Variants in STXBP5L observed in about 807,000 individuals in gnomAD.
STXBP5L encodes syntaxin binding protein 5L.
Under a neutral mutation model 144.5 loss-of-function variants are expected in STXBP5L, and 65 were observed. The ratio of observed to expected loss-of-function variants is 0.45; its 90% CI spans 0.37 to 0.55. STXBP5L has a LOEUF of 0.55. STXBP5L is among the 20% of genes least tolerant of loss of function. The pLI, the probability that STXBP5L is intolerant of heterozygous loss-of-function variation, is 0.00. For missense variants in STXBP5L, 1,298 were observed against 1,405.5 expected, an observed-to-expected ratio of 0.92 and a Z score of 1.22; for synonymous variants, 505 against 469.6, an observed-to-expected ratio of 1.08 and a Z score of -0.97.
intron 22 of STXBP5L, among the ~76,000 whole-genome samples, chr3:121,402,690 T>C (rs2046908710): frequency 6.6e-6 from 1 of 152,218 alleles, no homozygotes; most frequent in Non-Finnish European, 1.5e-5. Context: ...CATTTTACCA[T>C]AAATCATCAC....
intron 19 of STXBP5L, among the ~76,000 whole-genome samples, chr3:121,294,890 G>A (rs1210188194): frequency 2.6e-5 from 4 of 152,164 alleles, no homozygotes; most frequent in African/African-American, 9.7e-5. Flanking sequence ...TGATTAGAGT[G>A]TGTCTGGCTC....
chr3:121,111,649 G>C (rs1405771948), intron 5 of STXBP5L, among the ~76,000 whole-genome samples: 1 of 152,146 alleles, frequency 6.6e-6, no homozygotes, highest in Non-Finnish European at 1.5e-5. Flanking sequence ...AGCAGGAATG[G>C]TCCTAAATAA....
At chr3:121,299,056 G>T (rs145276110) in intron 19 of STXBP5L, among the ~76,000 whole-genome samples, 11 of 152,190 alleles carry the variant, frequency 7.2e-5, no homozygotes, top group African/African-American at 2.6e-4. Flanking sequence ...AATTGTATTT[G>T]CTCTCCTAGC....
intron 20 of STXBP5L, among the ~76,000 whole-genome samples, chr3:121,371,968 T>C (rs892588959): frequency 1.3e-5 from 2 of 152,154 alleles, no homozygotes; most frequent in African/African-American, 4.8e-5. Context: ...ATATTTACGC[T>C]GGCAGGGAAG....
At chr3:121,304,343 A>G (rs2043261289) in intron 19 of STXBP5L, among the ~76,000 whole-genome samples, 1 of 152,274 alleles carries the variant, frequency 6.6e-6, no homozygotes, top group Non-Finnish European at 1.5e-5. Flanking sequence ...AATTGGTAAG[A>G]TTATAAAAAA....
intron 5 of STXBP5L, among the ~76,000 whole-genome samples, chr3:121,080,252 T>C (rs2042193959): frequency 6.6e-6 from 1 of 152,172 alleles, no homozygotes. Flanking sequence ...ACAACAGATA[T>C]TGGGTTGGTG....
At chr3:121,065,426 A>G (rs942110011) in intron 5 of STXBP5L, among the ~76,000 whole-genome samples, 39 of 152,304 alleles carry the variant, frequency 2.6e-4, no homozygotes, top group Admixed American at 1.0e-3. Flanking sequence ...TGTTGTTGTT[A>G]CCATATTACA....
intron 10 of STXBP5L, among the ~76,000 whole-genome samples, chr3:121,218,936 G>C (rs1233983543): frequency 6.6e-6 from 1 of 152,056 alleles, no homozygotes. Context: ...GTTTGATGAA[G>C]ACACATAGTG....
At chr3:121,123,867 T>A (rs2044587471) in intron 7 of STXBP5L, among the ~76,000 whole-genome samples, 1 of 151,800 alleles carries the variant, frequency 6.6e-6, no homozygotes, top group African/African-American at 2.4e-5. Context: ...GAAGTTTTTT[T>A]ATTTTAATAT....
At chr3:121,092,328 G>T (rs1360514848) in intron 5 of STXBP5L, among the ~76,000 whole-genome samples, 2 of 152,092 alleles carry the variant, frequency 1.3e-5, no homozygotes, top group Non-Finnish European at 2.9e-5. Context: ...GTAGCTTGAT[G>T]GGGATGGCAT....
intron 9 of STXBP5L, among the ~76,000 whole-genome samples, chr3:121,164,544 A>G (rs748925240): frequency 9.9e-5 from 15 of 152,190 alleles, no homozygotes; most frequent in African/African-American, 3.6e-4. Context: ...TTATAGGTAT[A>G]TACCCAAAGG....
At chr3:121,298,092 C>T (rs1190742722) in intron 19 of STXBP5L, among the ~76,000 whole-genome samples, 1 of 152,138 alleles carries the variant, frequency 6.6e-6, no homozygotes, top group Non-Finnish European at 1.5e-5. Context: ...TTTACATGCC[C>T]ACCAATAGTG....
At chr3:121,043,743 T>A (rs552196945) in intron 4 of STXBP5L, among the ~76,000 whole-genome samples, 29 of 152,000 alleles carry the variant, frequency 1.9e-4, no homozygotes, top group Non-Finnish European at 2.1e-4. Flanking sequence ...GAATACTGAG[T>A]TCCTCACTAG....
At chr3:121,124,144 T>A (rs1219540221) in intron 7 of STXBP5L, among the ~76,000 whole-genome samples, 1 of 151,910 alleles carries the variant, frequency 6.6e-6, no homozygotes, top group Non-Finnish European at 1.5e-5. Flanking sequence ...TTCCAATATT[T>A]GGATTGGTCT....
chr3:121,341,828 G>A (rs1254813961), intron 20 of STXBP5L, among the ~76,000 whole-genome samples: 2 of 151,740 alleles, frequency 1.3e-5, no homozygotes, highest in East Asian at 1.9e-4. Flanking sequence ...TGAACTCGTG[G>A]ACATAGAGAG....
chr3:121,208,832 T>C (rs770401730), intron 10 of STXBP5L, among the ~76,000 whole-genome samples: 7 of 152,128 alleles, frequency 4.6e-5, no homozygotes, highest in African/African-American at 9.7e-5. Context: ...GTTTGTTACA[T>C]AGTTATACAC....
intron 9 of STXBP5L, among the ~76,000 whole-genome samples, chr3:121,174,768 G>T (rs1016165794): frequency 1.3e-5 from 2 of 152,112 alleles, no homozygotes; most frequent in Admixed American, 6.6e-5. Context: ...GGGAAAATCA[G>T]AGTCAATCCA....
chr3:120,951,726 C>A (rs1158697978), intron 2 of STXBP5L, among the ~76,000 whole-genome samples: 10 of 151,974 alleles, frequency 6.6e-5, no homozygotes, highest in Non-Finnish European at 7.4e-5. Flanking sequence ...ACTAGTTCAA[C>A]CATTGTGGAA....
At chr3:121,379,828 C>T (rs192820172) in intron 21 of STXBP5L, among the ~76,000 whole-genome samples, 1 of 151,850 alleles carries the variant, frequency 6.6e-6, no homozygotes, top group East Asian at 1.9e-4. Flanking sequence ...AAGAAGTAGC[C>T]CCCTTTTAAT....
Sources: allele counts gnomAD v4.1 joint callset (sites outside exome capture counted in the v4.1 genomes callset), GRCh38; gene constraint gnomAD v4.1.1; transcripts MANE v1.5; gene names NCBI Gene and HGNC (gene_info 2026-07-23, HGNC 2026-07-21).